Variants in C1QTNF3 observed in about 807,000 individuals in gnomAD.
C1QTNF3 encodes the protein complement C1q tumor necrosis factor-related protein 3.
In C1QTNF3, 26 loss-of-function variants were observed where a neutral mutation model predicts 32.6. That is an observed-to-expected ratio of 0.80 (90% CI 0.58 to 1.11). The LOEUF (loss-of-function observed/expected upper bound fraction) is 1.11, where lower values mean the gene tolerates loss of function less well. C1QTNF3 is among the 50% of genes least tolerant of loss of function. C1QTNF3 has a pLI of 0.00. For missense variants in C1QTNF3, 362 were observed against 398.2 expected (o/e 0.91, Z 0.77); for synonymous variants, 155 against 146.0 (o/e 1.06, Z -0.44).
upstream of C1QTNF3, among the ~76,000 whole-genome samples, chr5:34,046,486 G>A (rs1754988267): frequency 6.6e-6 from 1 of 152,146 alleles, no homozygotes; most frequent in Non-Finnish European, 1.5e-5. Flanking sequence ...GAAAATGAAA[G>A]CAGGGATGAG....
At chr5:34,075,303 T>C in the C1QTNF3 span, among the ~76,000 whole-genome samples, 1 of 151,614 alleles carries the variant, frequency 6.6e-6, no homozygotes. Flanking sequence ...AAAACTAGTG[T>C]CTAGGAAATA....
chr5:34,131,282 AGTGT>A, the C1QTNF3 span, among the ~76,000 whole-genome samples: 3 of 151,676 alleles, frequency 2.0e-5, no homozygotes, highest in Non-Finnish European at 4.4e-5. Flanking sequence ...CCCAAGATAT[AGTGT>A]GTGACAGATA....
chr5:34,163,133 C>T, the C1QTNF3 span, among the ~76,000 whole-genome samples: 1 of 152,106 alleles, frequency 6.6e-6, no homozygotes, highest in East Asian at 1.9e-4. Context: ...AAGACATGTA[C>T]ACGCTTGCAT....
In C1QTNF3 at chr5:34,020,626, C is replaced by CCAA; in HGVS notation, c.916_917insTTG (p.Arg306delinsLeuGly). The CCAA allele has an allele frequency of 6.2e-7, 1 of 1,614,242 alleles. No homozygotes were observed. The highest frequency in any genetic ancestry group is 8.5e-7 in the Non-Finnish European group (1 of 1,180,046). On this transcript the variant is annotated protein_altering_variant, in exon 6 of 6. Coordinates refer to ENST00000382065, the MANE Select transcript of C1QTNF3 (RefSeq NM_181435.6). ...CAGGAATCCTGCAAAGGTGGAGAAG[C>CCAA]GTTGGTGGTCCCCATGGAGAGCGCC...
At chr5:34,170,178 G>A in the C1QTNF3 span, among the ~76,000 whole-genome samples, 1 of 152,128 alleles carries the variant, frequency 6.6e-6, no homozygotes, top group Non-Finnish European at 1.5e-5. Context: ...AAATAAGCCA[G>A]TCACAAGAGG....
the C1QTNF3 span, among the ~76,000 whole-genome samples, chr5:34,088,406 AATG>A: frequency 2.4e-4 from 37 of 152,196 alleles, no homozygotes; most frequent in African/African-American, 4.1e-4. Context: ...GAGCAATCAG[AATG>A]ATATTATAAA....
chr5:34,199,922 A>AC, the C1QTNF3 span: 2 of 152,224 alleles, frequency 1.3e-5, no homozygotes, highest in Middle Eastern at 3.4e-3. Flanking sequence ...TCTACACATT[A>AC]CCATACCCTC....
chr5:34,209,622 G>C, the C1QTNF3 span, among the ~76,000 whole-genome samples: 1 of 151,990 alleles, frequency 6.6e-6, no homozygotes, highest in Non-Finnish European at 1.5e-5. Flanking sequence ...ATAGCTAACA[G>C]AATAAGATTT....
the C1QTNF3 span, chr5:34,166,679 A>G: frequency 1.3e-5 from 2 of 152,166 alleles, no homozygotes; most frequent in African/African-American, 4.8e-5. Context: ...CAAAATAAAG[A>G]TTCCCATATT....
chr5:34,202,160 T>C, the C1QTNF3 span, among the ~76,000 whole-genome samples: 4 of 152,036 alleles, frequency 2.6e-5, no homozygotes, highest in African/African-American at 9.7e-5. Context: ...GAAGCTGCAT[T>C]GCTTGTTTTG....
the C1QTNF3 span, among the ~76,000 whole-genome samples, chr5:34,172,866 C>G: frequency 8.7e-4 from 132 of 152,274 alleles, 1 homozygote; most frequent in African/African-American, 3.1e-3. Context: ...GTTGAAGAAA[C>G]TCATGTTTAA....
At chr5:34,147,747 C>A in the C1QTNF3 span, among the ~76,000 whole-genome samples, 1 of 152,100 alleles carries the variant, frequency 6.6e-6, no homozygotes, top group Non-Finnish European at 1.5e-5. Flanking sequence ...GTGATGCATA[C>A]CCCAAACCTC....
At chr5:34,149,572 AT>A in the C1QTNF3 span, among the ~76,000 whole-genome samples, 1 of 2,086 alleles carries the variant, frequency 4.8e-4, no homozygotes, top group Non-Finnish European at 7.4e-4. Context: ...AAAGAAAAGA[AT>A]TTTCAACCCA....
chr5:34,208,184 T>A, the C1QTNF3 span, among the ~76,000 whole-genome samples: 1 of 152,258 alleles, frequency 6.6e-6, no homozygotes, highest in Admixed American at 6.5e-5. Flanking sequence ...AGTCTCAAAC[T>A]TGTCTGTAAC....
At chr5:34,052,538 G>C in the C1QTNF3 span, among the ~76,000 whole-genome samples, 1 of 152,234 alleles carries the variant, frequency 6.6e-6, no homozygotes, top group South Asian at 2.1e-4. Flanking sequence ...ACACACCTGA[G>C]TTTGAGTTCC....
the C1QTNF3 span, among the ~76,000 whole-genome samples, chr5:34,117,749 C>G: frequency 6.6e-6 from 1 of 151,122 alleles, no homozygotes; most frequent in Admixed American, 6.6e-5. Flanking sequence ...CCAGACTAGG[C>G]GACAGAGTGA....
At chr5:34,164,070 G>C in the C1QTNF3 span, among the ~76,000 whole-genome samples, 9 of 152,086 alleles carry the variant, frequency 5.9e-5, no homozygotes, top group Admixed American at 1.3e-4. Flanking sequence ...AGTTAAGCTT[G>C]AATATGAAAT....
the C1QTNF3 span, among the ~76,000 whole-genome samples, chr5:34,162,324 A>T: frequency 6.6e-6 from 1 of 152,140 alleles, no homozygotes; most frequent in East Asian, 1.9e-4. Context: ...TTATAACAAA[A>T]CCATTCTCAT....
At chr5:34,209,439 A>C in the C1QTNF3 span, among the ~76,000 whole-genome samples, 7 of 151,150 alleles carry the variant, frequency 4.6e-5, no homozygotes, top group Non-Finnish European at 7.4e-5. Flanking sequence ...AAATAAAGTA[A>C]TTACATTTGT....
Sources: allele counts gnomAD v4.1 joint callset (sites outside exome capture counted in the v4.1 genomes callset), GRCh38; gene constraint gnomAD v4.1.1; transcripts MANE v1.5; gene names NCBI Gene and HGNC (gene_info 2026-07-23, HGNC 2026-07-21).